Variants in PKP1 observed in about 807,000 individuals in gnomAD.
PKP1 encodes the protein plakophilin 1.
Under a neutral mutation model 76.4 loss-of-function variants are expected in PKP1, and 27 were observed. That is an observed-to-expected ratio of 0.35 (90% CI 0.26 to 0.49). PKP1 has a LOEUF of 0.49. Among genes scored for constraint, PKP1 ranks in the 20% least tolerant of loss-of-function variants. The pLI is 0.99. For synonymous variants in PKP1, 404 were observed against 384.2 expected, an observed-to-expected ratio of 1.05 and a Z score of -0.60; for missense variants, 964 against 955.2, an observed-to-expected ratio of 1.01 and a Z score of -0.12.
In PKP1 at chr1:201,310,700, T is replaced by C. The variant is rs528081734; in HGVS notation, c.307-2466T>C. On this transcript the variant is annotated intron_variant, in intron 2 of 13. Coordinates refer to ENST00000367324, the MANE Select transcript of PKP1 (RefSeq NM_001005337.3). ...GGGCCATGATGATGGGAGAGAGTCA[T>C]ACCCAGCTGTCCTCAGGCAGCACAG... Among the ~76,000 whole-genome samples the C allele has an allele frequency of 4.6e-5, 7 of 152,306 alleles. No homozygotes were observed. The South Asian group carries it at 1.4e-3, about 32-fold the overall frequency.
At chr1:201,312,778 C>T (rs1656599186) in intron 2 of PKP1, among the ~76,000 whole-genome samples, 1 of 152,156 alleles carries the variant, frequency 6.6e-6, no homozygotes. Context: ...CTGGGTTCAT[C>T]CTCCCTCTTA....
At chr1:201,319,924 C>G (rs758000760) in intron 6 of PKP1, 5 of 1,586,740 alleles carry the variant, frequency 3.2e-6, no homozygotes, top group Non-Finnish European at 8.7e-7. Flanking sequence ...CCACATGGAG[C>G]CATTGCCAGT....
intron 1 of PKP1, among the ~76,000 whole-genome samples, chr1:201,292,796 A>G (rs1344283340): frequency 6.6e-6 from 1 of 152,156 alleles, no homozygotes; most frequent in African/African-American, 2.4e-5. Context: ...GATCCCACTC[A>G]CCTTCATCCC....
intron 2 of PKP1, among the ~76,000 whole-genome samples, chr1:201,296,246 C>T (rs187010436): frequency 2.9e-4 from 44 of 152,284 alleles, no homozygotes; most frequent in African/African-American, 9.6e-4. Context: ...ATATTGGAGC[C>T]AGACATATAA....
intron 2 of PKP1, among the ~76,000 whole-genome samples, chr1:201,307,032 G>C (rs1392349961): frequency 2.0e-5 from 3 of 152,172 alleles, no homozygotes; most frequent in Non-Finnish European, 4.4e-5. Context: ...GCATCAAGGT[G>C]TTTATGGCTT....
chr1:201,284,971 G>C (rs1655685508), intron 1 of PKP1, among the ~76,000 whole-genome samples: 1 of 152,194 alleles, frequency 6.6e-6, no homozygotes, highest in Non-Finnish European at 1.5e-5. Context: ...AGAGCTTATA[G>C]ACCAAGTAAA....
intron 6 of PKP1, among the ~76,000 whole-genome samples, 154 bp downstream of exon 6, chr1:201,318,949 C>T (rs2102179621): frequency 6.6e-6 from 1 of 152,276 alleles, no homozygotes; most frequent in African/African-American, 2.4e-5. Context: ...GGGACTCAGG[C>T]CTTCCTAACT....
chr1:201,313,317 G>T lies in PKP1; in HGVS notation c.458G>T (p.Ser153Ile). 1 of 1,594,664 alleles carries T rather than the reference G, an allele frequency of 6.3e-7. No homozygotes were observed. Among genetic ancestry groups the T allele is most frequent in the African/African-American group, 1.3e-5 (1 of 74,750 alleles). ...DICFMQKIKA[S>I]RSEPDLYCDP... The stretch of plus-strand genomic sequence containing the variant: ...TGCTTCATGCAGAAAATCAAGGCGA[G>T]CCGCAGTGAGCCCGACCTCTACTGT... The change falls in exon 3 of 14, where the codon AGC (serine) becomes ATC (isoleucine). Residue 153 changes from serine to isoleucine, a missense_variant. By Grantham distance (142) the Ser-to-Ile change is moderately radical (BLOSUM62 -2). Transcript: ENST00000367324.
intron 1 of PKP1, among the ~76,000 whole-genome samples, chr1:201,291,111 G>A (rs1655902640): frequency 6.6e-6 from 1 of 152,188 alleles, no homozygotes; most frequent in South Asian, 2.1e-4. Context: ...TGCGAGCTGT[G>A]ATTTCAGGTG....
chr1:201,324,408 A>G lies in PKP1; in HGVS notation c.1681-20A>G. ...CTGGGAAGCCACAGGCTAGCTCATC[A>G]TCTACTCCTTCTCTCTTAGATGTCC... is the stretch of plus-strand genomic sequence containing the variant. On this transcript the variant is annotated intron_variant, in intron 9 of 13. Transcript: ENST00000367324. 1 of 1,613,988 alleles carries G rather than the reference A, an allele frequency of 6.2e-7. No homozygotes were observed. The highest frequency in any genetic ancestry group is 8.5e-7 in the Non-Finnish European group (1 of 1,179,946).
intron 6 of PKP1, chr1:201,319,904 G>A (rs1220533993): frequency 6.2e-7 from 1 of 1,612,244 alleles, no homozygotes; most frequent in South Asian, 1.1e-5. Context: ...CAGCTGCGGA[G>A]GGACCGTTGC....
chr1:201,313,061 TA>T, intron 2 of PKP1, 104 bp from the exon 3 acceptor site: 1 of 1,195,560 alleles, frequency 8.4e-7, no homozygotes, highest in Non-Finnish European at 1.2e-6. Flanking sequence ...TGGGATTCTG[TA>T]AGCGTTATTA....
intron 2 of PKP1, among the ~76,000 whole-genome samples, chr1:201,297,601 C>T (rs926191230): frequency 3.3e-5 from 5 of 152,196 alleles, no homozygotes; most frequent in Admixed American, 6.5e-5. Flanking sequence ...TCTCTGACCT[C>T]GTAACTCCTA....
intron 2 of PKP1, among the ~76,000 whole-genome samples, chr1:201,306,613 T>C (rs1558187501): frequency 6.6e-6 from 1 of 152,230 alleles, no homozygotes; most frequent in Non-Finnish European, 1.5e-5. Context: ...TTATAAGGGA[T>C]ACTGACCATT....
intron 1 of PKP1, among the ~76,000 whole-genome samples, chr1:201,290,161 G>A (rs554676539): frequency 6.1e-4 from 93 of 152,284 alleles, no homozygotes; most frequent in African/African-American, 2.2e-3. Flanking sequence ...TGACCTGAGC[G>A]GTAGATTTTC....
In PKP1 at chr1:201,324,411, T is replaced by C; in HGVS notation, c.1681-17T>C. ...GGAAGCCACAGGCTAGCTCATCATCTACTCCTTCTCTCTTAGATGTCCAGT... is the reference window on the plus strand; with the variant it reads ...GGAAGCCACAGGCTAGCTCATCATCCACTCCTTCTCTCTTAGATGTCCAGT... On this transcript the variant is annotated splice_polypyrimidine_tract_variant and intron_variant, in intron 9 of 13. Coordinates refer to ENST00000367324, the MANE Select transcript of PKP1 (RefSeq NM_001005337.3). The C allele has an allele frequency of 6.2e-7, 1 of 1,614,042 alleles. No individual in the cohort carries two copies. The highest frequency in any genetic ancestry group is 2.2e-5 in the East Asian group (1 of 44,868).
intron 6 of PKP1, 43 bp downstream of exon 6, chr1:201,318,838 G>C (rs1656851973): frequency 6.6e-7 from 1 of 1,518,700 alleles, no homozygotes; most frequent in East Asian, 2.4e-5. Flanking sequence ...CCCAGCCTTG[G>C]GCCCTTCCCC....
intron 1 of PKP1, among the ~76,000 whole-genome samples, chr1:201,284,639 G>A (rs911433688): frequency 2.0e-5 from 3 of 152,212 alleles, no homozygotes; most frequent in African/African-American, 4.8e-5. Flanking sequence ...GTCCCTTGAC[G>A]ACAGGGAAGG....
intron 1 of PKP1, among the ~76,000 whole-genome samples, chr1:201,287,283 C>T (rs547323699): frequency 2.6e-5 from 4 of 152,182 alleles, no homozygotes; most frequent in Admixed American, 2.0e-4. Context: ...TCTATTCAGC[C>T]CTCATCAGGG....
Sources: allele counts gnomAD v4.1 joint callset (sites outside exome capture counted in the v4.1 genomes callset), GRCh38; gene constraint gnomAD v4.1.1; transcripts MANE v1.5; gene names NCBI Gene and HGNC (gene_info 2026-07-23, HGNC 2026-07-21).